The following ZNF618 variants were observed in gnomAD, a reference collection of about 807,000 sequenced individuals.
ZNF618 encodes the protein neural precursor cell expressed, developmentally down-regulated 10.
In ZNF618, 34 loss-of-function variants were observed where a neutral mutation model predicts 103.0. The ratio of observed to expected loss-of-function variants is 0.33; its 90% confidence interval spans 0.25 to 0.44. The LOEUF is 0.44. Ranked by LOEUF, ZNF618 falls within the 20% of genes least tolerant of loss-of-function variation. The pLI is 1.00. For missense variants in ZNF618, 1,059 were observed against 1,295.4 expected (o/e 0.82, Z 2.80); for synonymous variants, 551 against 542.2 (o/e 1.02, Z -0.23).
chr9:113,911,609 G>C lies in ZNF618; in HGVS notation c.33+35196G>C, dbSNP rs573919368. Among the ~76,000 whole-genome samples, 305 of 152,256 alleles carry C rather than the reference G, an allele frequency of 2.0e-3. 1 individual carries two copies. Among genetic ancestry groups the C allele is most frequent in the African/African-American group, 7.1e-3 (293 of 41,544 alleles). ...CTCCCAACGTGCTGGGATCATAGGC[G>C]TGAGCCACCGTGCCTGGCCGGTATT... is the stretch of plus-strand genomic sequence containing the variant. On this transcript the variant is annotated intron_variant, in intron 1 of 14. Transcript: ENST00000374126.
Position 114,047,888 on chromosome 9 carries a change from C to T in ZNF618, c.1247-5C>T, listed in dbSNP as rs758382135. On this transcript the variant is annotated splice_polypyrimidine_tract_variant and splice_region_variant and intron_variant, in intron 13 of 14. Coordinates refer to ENST00000374126, the MANE Select transcript of ZNF618 (RefSeq NM_001318042.2). ...GGTAACACACTGTCCCCTTTGTGCC[C>T]ACAGCTGACAATGAAAACAACATTG... The T allele has an allele frequency of 1.1e-5, 17 of 1,593,138 alleles. No individual in the cohort carries two copies. The highest frequency in any genetic ancestry group is 1.4e-5 in the Non-Finnish European group (16 of 1,169,760).
At chr9:113,950,703 A>G (rs757717843) in intron 1 of ZNF618, among the ~76,000 whole-genome samples, 8 of 152,146 alleles carry the variant, frequency 5.3e-5, no homozygotes, top group Non-Finnish European at 8.8e-5. Context: ...AAATCATTGA[A>G]TGGTGGGACC....
At chr9:113,914,555 G>T (rs1010327661) in intron 1 of ZNF618, among the ~76,000 whole-genome samples, 3 of 152,206 alleles carry the variant, frequency 2.0e-5, no homozygotes, top group African/African-American at 7.2e-5. Flanking sequence ...CTTTCCAAAA[G>T]ATTTGCTAGG....
chr9:114,037,942 A>G (rs1844770397), intron 13 of ZNF618, among the ~76,000 whole-genome samples: 1 of 152,156 alleles, frequency 6.6e-6, no homozygotes, highest in African/African-American at 2.4e-5. Flanking sequence ...GACCTCCTGC[A>G]GGAAGCTGTG....
At chr9:114,039,475 C>T (rs1844934603) in intron 13 of ZNF618, among the ~76,000 whole-genome samples, 1 of 152,078 alleles carries the variant, frequency 6.6e-6, no homozygotes, top group Non-Finnish European at 1.5e-5. Flanking sequence ...CTCAGCCTCC[C>T]TAGTAGCTGG....
At chr9:113,896,394 C>T (rs1205162451) in intron 1 of ZNF618, among the ~76,000 whole-genome samples, 1 of 151,908 alleles carries the variant, frequency 6.6e-6, no homozygotes, top group Non-Finnish European at 1.5e-5. Flanking sequence ...TTCTGTGTTA[C>T]TCCTTTTCAA....
chr9:113,993,603 G>A (rs1287881911), intron 3 of ZNF618, among the ~76,000 whole-genome samples: 1 of 152,138 alleles, frequency 6.6e-6, no homozygotes, highest in Non-Finnish European at 1.5e-5. Flanking sequence ...TTAATCCTGA[G>A]GTGTTTACTA....
At chr9:113,985,825 A>G (rs879290695) in intron 2 of ZNF618, among the ~76,000 whole-genome samples, 1 of 152,234 alleles carries the variant, frequency 6.6e-6, no homozygotes, top group African/African-American at 2.4e-5. Context: ...CCTAGACTGT[A>G]AAGTGGAGCT....
intron 1 of ZNF618, among the ~76,000 whole-genome samples, chr9:113,951,119 G>A (rs1835524556): frequency 6.6e-6 from 1 of 151,652 alleles, no homozygotes; most frequent in African/African-American, 2.4e-5. Context: ...CAGTTGGAGG[G>A]CTTTTGAAGA....
In ZNF618 at chr9:114,052,637, A is replaced by T. The variant is rs1340522871; in HGVS notation, c.*2470A>T. ...CTTGACTGCTGGGGAAGGGACAGTGACCGGCACTTTGACCCACACAAGGAT... is the reference window on the plus strand; with the variant it reads ...CTTGACTGCTGGGGAAGGGACAGTGTCCGGCACTTTGACCCACACAAGGAT... On this transcript the variant is annotated 3_prime_UTR_variant, in exon 15 of 15. Coordinates refer to ENST00000374126, the MANE Select transcript of ZNF618 (RefSeq NM_001318042.2). The T allele has an allele frequency of 6.6e-6, 1 of 152,238 alleles. No individual in the cohort carries two copies. Among genetic ancestry groups the T allele is most frequent in the Non-Finnish European group, 1.5e-5 (1 of 68,064 alleles). 9.4% of individuals were successfully genotyped at this position (152,238 alleles called of 1,614,324 possible). A position where few individuals can be genotyped will look rare whatever the true frequency, so the allele number is the denominator to read the frequency against.
chr9:113,968,978 A>C, intron 1 of ZNF618, 139 bp from the exon 2 acceptor site: 1 of 934,868 alleles, frequency 1.1e-6, no homozygotes, highest in Non-Finnish European at 1.7e-6. Flanking sequence ...TCCAGCCTGG[A>C]GGAGCGGGAC....
At chr9:114,001,901 G>T in intron 4 of ZNF618, 95 bp from the exon 5 acceptor site, 1 of 1,076,856 alleles carries the variant, frequency 9.3e-7, no homozygotes. Flanking sequence ...CCCTGGGACA[G>T]AGAGTTAGCC....
chr9:113,917,024 A>G (rs1184300829), intron 1 of ZNF618, among the ~76,000 whole-genome samples: 6 of 152,014 alleles, frequency 3.9e-5, no homozygotes, highest in Non-Finnish European at 8.8e-5. Context: ...GAGAGGGTGG[A>G]ATGGGGTGGC....
At chr9:113,884,547 C>T (rs896912860) in intron 1 of ZNF618, among the ~76,000 whole-genome samples, 2 of 152,172 alleles carry the variant, frequency 1.3e-5, no homozygotes, top group Non-Finnish European at 1.5e-5. Context: ...ATACATGCTG[C>T]CATTCCCCAT....
At chr9:113,962,397 C>T (rs1390980978) in intron 1 of ZNF618, among the ~76,000 whole-genome samples, 3 of 152,160 alleles carry the variant, frequency 2.0e-5, no homozygotes, top group Admixed American at 2.0e-4. Context: ...CTCATGGTCT[C>T]CTTTCAACAC....
intron 1 of ZNF618, among the ~76,000 whole-genome samples, chr9:113,904,922 A>G (rs555047676): frequency 1.3e-5 from 2 of 152,144 alleles, no homozygotes; most frequent in South Asian, 2.1e-4. Context: ...CTCTATCTCA[A>G]AGTCATCTGA....
chr9:114,036,466 G>T, intron 13 of ZNF618, 89 bp downstream of exon 13: 1 of 1,352,718 alleles, frequency 7.4e-7, no homozygotes, highest in South Asian at 1.3e-5. Flanking sequence ...GGCCCCTGGA[G>T]AAGGCCGCTC....
intron 2 of ZNF618, among the ~76,000 whole-genome samples, chr9:113,980,999 A>G (rs1838919754): frequency 6.6e-6 from 1 of 152,222 alleles, no homozygotes. Flanking sequence ...TTGCACTCAT[A>G]TAGTCAGTGA....
intron 10 of ZNF618, among the ~76,000 whole-genome samples, chr9:114,021,710 A>G (rs528354575): frequency 6.6e-6 from 1 of 152,202 alleles, no homozygotes; most frequent in African/African-American, 2.4e-5. Flanking sequence ...CAGTTTTCTC[A>G]TGCCCTTTTG....
Sources: allele counts gnomAD v4.1 joint callset (sites outside exome capture counted in the v4.1 genomes callset), GRCh38; gene constraint gnomAD v4.1.1; transcripts MANE v1.5; gene names NCBI Gene and HGNC (gene_info 2026-07-23, HGNC 2026-07-21).